ST3GAL4: variants seen among roughly 807,000 people sequenced by gnomAD.
ST3GAL4 encodes ST3 beta-galactoside alpha-2,3-sialyltransferase 4.
Under a neutral mutation model 42.6 loss-of-function variants are expected in ST3GAL4, and 24 were observed. The observed-to-expected ratio is 0.56, with a 90% CI of 0.41 to 0.79. ST3GAL4 has a LOEUF of 0.79. ST3GAL4 is among the 30% of genes least tolerant of loss of function. The probability of loss-of-function intolerance (pLI) is 0.00; values close to 1 mark genes in which losing one functional copy is unlikely to be tolerated. For synonymous variants in ST3GAL4, 135 were observed against 163.2 expected (o/e 0.83, Z 1.32); for missense variants, 311 against 430.8 (o/e 0.72, Z 2.46).
In ST3GAL4 at chr11:126,406,571, C is replaced by A; in HGVS notation, c.101+14C>A. 1 of 1,614,108 alleles carries A rather than the reference C, an allele frequency of 6.2e-7. No homozygotes were observed. The highest frequency in any genetic ancestry group is 8.5e-7 in the Non-Finnish European group (1 of 1,179,982). On this transcript the variant is annotated intron_variant, in intron 3 of 10. Coordinates refer to ENST00000444328, the MANE Select transcript of ST3GAL4 (RefSeq NM_001254757.2). The surrounding 1 kb of genome is among the most constrained non-coding windows in gnomAD (Gnocchi z 5.4). ...GTACATCGAGCTGTGAGTTCACCTT[C>A]CATGTCCTTCCAGTGGCTCTTGTCA...
chr11:126,363,282 T>C lies in ST3GAL4; in HGVS notation c.-61+7440T>C, dbSNP rs967869789. On this transcript the variant is annotated intron_variant, in intron 1 of 10. Coordinates refer to ENST00000444328, the MANE Select transcript of ST3GAL4 (RefSeq NM_001254757.2). This position sits in a 1 kb window ranked among gnomAD's most constrained non-coding sequence, Gnocchi z 4.6. ...CTTTCCACCCCTAGATTTCTCACCATCTTCAGTGATCCCTCCTCCTTCCTT... is the reference window on the plus strand; with the variant it reads ...CTTTCCACCCCTAGATTTCTCACCACCTTCAGTGATCCCTCCTCCTTCCTT... Among the ~76,000 whole-genome samples, 10 of 152,210 alleles carry C rather than the reference T, an allele frequency of 6.6e-5. No homozygotes were observed. The highest frequency in any genetic ancestry group is 1.3e-4 in the Non-Finnish European group (9 of 68,020).
chr11:126,390,017 C>CACAAAAAAAA (rs1437988283), intron 1 of ST3GAL4, among the ~76,000 whole-genome samples: 1 of 114,636 alleles, frequency 8.7e-6, no homozygotes, highest in Non-Finnish European at 1.7e-5. Flanking sequence ...GCTAAAAATA[C>CACAAAAAAAA]AAAAAAAAAA....
intron 1 of ST3GAL4, among the ~76,000 whole-genome samples, chr11:126,394,346 G>A (rs573895264): frequency 7.2e-5 from 11 of 152,342 alleles, no homozygotes; most frequent in African/African-American, 2.6e-4. Flanking sequence ...CTCCCACCTC[G>A]TCACAGTGGC....
intron 9 of ST3GAL4, among the ~76,000 whole-genome samples, chr11:126,412,028 C>T (rs565492333): frequency 1.3e-5 from 2 of 152,176 alleles, no homozygotes; most frequent in South Asian, 4.2e-4. Context: ...TACGATTCTG[C>T]CTTATATATT....
Position 126,359,517 on chromosome 11 carries a change from T to C in ST3GAL4, c.-61+3675T>C, listed in dbSNP as rs1952175141. Among the ~76,000 whole-genome samples the C allele has an allele frequency of 6.6e-6, 1 of 152,108 alleles. No individual in the cohort carries two copies. The highest frequency in any genetic ancestry group is 1.5e-5 in the Non-Finnish European group (1 of 67,970). On this transcript the variant is annotated intron_variant, in intron 1 of 10. Coordinates refer to ENST00000444328, the MANE Select transcript of ST3GAL4 (RefSeq NM_001254757.2). This position sits in a 1 kb window ranked among gnomAD's most constrained non-coding sequence, Gnocchi z 4.8. Reference sequence around the variant, plus strand: ...CCCAGTTCTCAACTGCCCCCTGGAGTTTGCTCATTTTGCCCCATGAAGAAA... The same window carrying C: ...CCCAGTTCTCAACTGCCCCCTGGAGCTTGCTCATTTTGCCCCATGAAGAAA...
In ST3GAL4 at chr11:126,386,532, C is replaced by A. The variant is rs1953233059; in HGVS notation, c.-60-19564C>A. On this transcript the variant is annotated intron_variant, in intron 1 of 10. Coordinates refer to ENST00000444328, the MANE Select transcript of ST3GAL4 (RefSeq NM_001254757.2). This position sits in a 1 kb window ranked among gnomAD's most constrained non-coding sequence, Gnocchi z 4.7. ...GGAGTGATGTGACCTCTGTGGCTCT[C>A]CTGGGACACAGGTTAGTCCTGTGGG... Among the ~76,000 whole-genome samples the A allele has an allele frequency of 2.0e-5, 3 of 152,216 alleles. No homozygotes were observed. In the South Asian group the frequency reaches 6.2e-4, roughly 32 times the overall value.
intron 1 of ST3GAL4, among the ~76,000 whole-genome samples, chr11:126,371,406 G>T (rs12281560): frequency 1.3e-5 from 2 of 151,002 alleles, no homozygotes; most frequent in African/African-American, 4.9e-5. Context: ...CTCATGATCC[G>T]CCCACCGTGG....
At chr11:126,375,513 G>A (rs1591435756) in intron 1 of ST3GAL4, among the ~76,000 whole-genome samples, 1 of 152,168 alleles carries the variant, frequency 6.6e-6, no homozygotes, top group South Asian at 2.1e-4. Flanking sequence ...GAATTCCAGT[G>A]CCAGCTCCGC....
chr11:126,387,690 T>A (rs943000550), intron 1 of ST3GAL4, among the ~76,000 whole-genome samples: 1 of 149,138 alleles, frequency 6.7e-6, no homozygotes, highest in Non-Finnish European at 1.5e-5. Flanking sequence ...AAAAAAAAAA[T>A]TATAAAGGTA....
intron 1 of ST3GAL4, among the ~76,000 whole-genome samples, chr11:126,395,105 G>A (rs575826158): frequency 3.6e-4 from 55 of 152,290 alleles, no homozygotes; most frequent in Non-Finnish European, 6.8e-4. Context: ...CCAGCCAGGG[G>A]CTGTGCCACA....
chr11:126,402,896 G>A lies in ST3GAL4; in HGVS notation c.-60-3200G>A, dbSNP rs1030299649. Among the ~76,000 whole-genome samples, 4 of 152,188 alleles carry A rather than the reference G, an allele frequency of 2.6e-5. 1 individual carries two copies. The South Asian group carries it at 8.3e-4, about 31-fold the overall frequency. On this transcript the variant is annotated intron_variant, in intron 1 of 10. Transcript: ENST00000444328. ...AAGAGCAGATTGTCTTCCTACCCGG[G>A]GGCACCTTTGCCCAGCAGGTCGGGT... is the stretch of plus-strand genomic sequence containing the variant.
At chr11:126,370,591 C>CTCTCTGTA (rs1491227799) in intron 1 of ST3GAL4, among the ~76,000 whole-genome samples, 1 of 151,946 alleles carries the variant, frequency 6.6e-6, no homozygotes, top group Non-Finnish European at 1.5e-5. Flanking sequence ...TGCTCACTTG[C>CTCTCTGTA]TCTCTGTATC....
At chr11:126,412,614 G>A (rs1032018909) in intron 9 of ST3GAL4, among the ~76,000 whole-genome samples, 1 of 152,170 alleles carries the variant, frequency 6.6e-6, no homozygotes. Context: ...GGCAGAGGTG[G>A]GTGGATCGCT....
chr11:126,391,981 GTA>G lies in ST3GAL4; in HGVS notation c.-60-14113_-60-14112del. 2.7e-5 allele frequency among the ~76,000 whole-genome samples: 4 copies of G among 150,756 alleles called. No homozygotes were observed. The highest frequency in any genetic ancestry group is 2.1e-4 in the South Asian group (1 of 4,786). On this transcript the variant is annotated intron_variant, in intron 1 of 10. Transcript: ENST00000444328. The surrounding 1 kb of genome is among the most constrained non-coding windows in gnomAD (Gnocchi z 5.5). ...TGTGTGTGTGTGTGTGTATGTGTGT[GTA>G]TGTGTATATATAAAATTATTTTCCT...
rs555032192 is a variant in ST3GAL4, at chr11:126,406,103, G to A, written c.-53G>A. 209 of 1,551,596 alleles carry A rather than the reference G, an allele frequency of 1.3e-4. No individual in the cohort carries two copies. Among genetic ancestry groups the A allele is most frequent in the Middle Eastern group, 3.3e-4 (2 of 6,008 alleles). On this transcript the variant is annotated 5_prime_UTR_variant, in exon 2 of 11. Coordinates refer to ENST00000444328, the MANE Select transcript of ST3GAL4 (RefSeq NM_001254757.2). The surrounding 1 kb of genome is among the most constrained non-coding windows in gnomAD (Gnocchi z 5.4). ...GTGGCTCTTATTTCCTAGGTGGCCC[G>A]AGGCAGCCGGGATGACAGCTCTCCC...
rs185899571 is a variant in ST3GAL4 at position 126,411,328 on chromosome 11, G to A, written c.771+1917G>A. On this transcript the variant is annotated intron_variant, in intron 9 of 10. Transcript: ENST00000444328. This position sits in a 1 kb window ranked among gnomAD's most constrained non-coding sequence, Gnocchi z 6.3. Reference sequence around the variant, plus strand: ...ACCTGGCTAATTTTTGTATTTTTACGAAAATACAAAACACAGGAGTGCTGG... The same window carrying A: ...ACCTGGCTAATTTTTGTATTTTTACAAAAATACAAAACACAGGAGTGCTGG... Among the ~76,000 whole-genome samples, 3 of 152,020 alleles carry A rather than the reference G, an allele frequency of 2.0e-5. No homozygotes were observed. In the East Asian group the frequency reaches 5.8e-4, roughly 29 times the overall value.
At chr11:126,403,423 A>C in intron 1 of ST3GAL4, 1 of 985,456 alleles carries the variant, frequency 1.0e-6, no homozygotes, top group Non-Finnish European at 1.2e-6. Context: ...TGTCTTTCAC[A>C]AAAGGTGAAA....
At position 126,378,982 on chromosome 11, in the gene ST3GAL4, G is replaced by A. The variant is rs574323252; in HGVS notation, c.-61+23140G>A. Among the ~76,000 whole-genome samples the A allele has an allele frequency of 1.1e-3, 161 of 152,294 alleles. No individual in the cohort carries two copies. Among genetic ancestry groups the A allele is most frequent in the Non-Finnish European group, 1.7e-3 (116 of 68,016 alleles). ...CCAGTTCCATTCATGTTTTCTGTGC[G>A]TAGAGATAAGTTACCATTAATGACA... On this transcript the variant is annotated intron_variant, in intron 1 of 10. Transcript: ENST00000444328. The surrounding 1 kb of genome is among the most constrained non-coding windows in gnomAD (Gnocchi z 5.3).
At chr11:126,402,801 G>GT (rs1954063909) in intron 1 of ST3GAL4, among the ~76,000 whole-genome samples, 2 of 152,180 alleles carry the variant, frequency 1.3e-5, no homozygotes, top group African/African-American at 4.8e-5. Flanking sequence ...CTGCCCTTGG[G>GT]TAAGTTCTGT....
Sources: gnomAD v4.1 joint callset for allele counts (sites outside exome capture counted in the v4.1 genomes callset) on GRCh38, gnomAD v4.1.1 for gene constraint, Gnocchi (gnomAD v3.1) non-coding constraint, MANE v1.5 for transcripts, NCBI Gene and HGNC (gene_info 2026-07-23, HGNC 2026-07-21) for gene names.